C4orf50: variants seen among roughly 807,000 people sequenced by gnomAD.
C4orf50 encodes the protein uncharacterized protein C4orf50.
C4orf50 carries 80 observed loss-of-function variants against 77.2 expected under a neutral mutation model. The observed-to-expected ratio is 1.04, with a 90% confidence interval of 0.87 to 1.25. The LOEUF (loss-of-function observed/expected upper bound fraction) is 1.25. Among genes scored for constraint, C4orf50 ranks in the 50% most tolerant of loss-of-function variants. The pLI is 0.00. For synonymous variants in C4orf50, 532 were observed against 465.3 expected (o/e 1.14, Z -1.84); for missense variants, 1,257 against 1,152.9 (o/e 1.09, Z -1.31).
At chr4:5,963,806 G>A (rs895519454) in intron 33 of C4orf50, among the ~76,000 whole-genome samples, 1 of 152,168 alleles carries the variant, frequency 6.6e-6, no homozygotes, top group African/African-American at 2.4e-5. Context: ...GCAGGCAGCC[G>A]CATTTCACAG....
At chr4:5,972,155 C>T (rs1006669227) in intron 31 of C4orf50, among the ~76,000 whole-genome samples, 1 of 152,076 alleles carries the variant, frequency 6.6e-6, no homozygotes, top group African/African-American at 2.4e-5. Context: ...CAGACACATG[C>T]CACCACGCCT....
intron 29 of C4orf50, among the ~76,000 whole-genome samples, chr4:5,978,574 G>A (rs982723951): frequency 6.6e-6 from 1 of 152,194 alleles, no homozygotes; most frequent in Non-Finnish European, 1.5e-5. Flanking sequence ...TGACAGATAA[G>A]AGAAAAAAGC....
At chr4:5,899,704 A>T (rs1004004341) in intron 7 of C4orf50, 8 of 152,244 alleles carry the variant, frequency 5.3e-5, no homozygotes, top group African/African-American at 1.9e-4. Context: ...GTGGAAAGAG[A>T]CTATGTGACT....
intron 7 of C4orf50, among the ~76,000 whole-genome samples, chr4:5,934,096 C>T (rs1007835415): frequency 2.6e-5 from 4 of 152,080 alleles, no homozygotes; most frequent in Admixed American, 6.5e-5. Context: ...CACTCCAACA[C>T]AGCCCCTGGC....
chr4:5,897,635 T>G (rs910020157), exon 8 of C4orf50: 1 of 152,234 alleles, frequency 6.6e-6, no homozygotes, highest in Non-Finnish European at 1.5e-5. Context: ...TACATTTTAA[T>G]GTACAAAATT....
Position 5,919,375 on chromosome 4 carries a change from CTTCT to C in C4orf50, c.*2475-21191_*2475-21188del, listed in dbSNP as rs1717169653. 1.3e-5 allele frequency among the ~76,000 whole-genome samples: 2 copies of C among 150,488 alleles called. No individual in the cohort carries two copies. Among genetic ancestry groups the C allele is most frequent in the African/African-American group, 4.9e-5 (2 of 40,860 alleles). On this transcript the variant is annotated intron_variant, in intron 7 of 7. Coordinates refer to the C4orf50 transcript ENST00000324058. The surrounding 1 kb of genome is among the most constrained non-coding windows in gnomAD (Gnocchi z 6.5). ...TCACCTTCCAGGTGACACATTAGAT[CTTCT>C]TTCACTCACTCCCTGTAGGCAGTGG...
intron 7 of C4orf50, among the ~76,000 whole-genome samples, chr4:5,929,658 G>C (rs6839824): frequency 0.38 from 57,813 of 152,158 alleles, 11,918 homozygotes; most frequent in East Asian, 0.77. Flanking sequence ...CTGAATGAAG[G>C]ATGCCCTGAG....
At chr4:5,994,221 T>G in intron 26 of C4orf50, 126 bp downstream of exon 4, 1 of 396,012 alleles carries the variant, frequency 2.5e-6, no homozygotes, top group Non-Finnish European at 4.5e-6. Context: ...CCTCGATTCT[T>G]GTCTGTAGGG....
At chr4:5,930,088 C>T (rs1475696022) in intron 7 of C4orf50, among the ~76,000 whole-genome samples, 1 of 152,140 alleles carries the variant, frequency 6.6e-6, no homozygotes, top group African/African-American at 2.4e-5. Context: ...AAACATTGGG[C>T]TCATGAAAGA....
chr4:5,933,282 A>T (rs982574940), intron 7 of C4orf50, among the ~76,000 whole-genome samples: 3 of 152,226 alleles, frequency 2.0e-5, no homozygotes, highest in African/African-American at 7.2e-5. Context: ...ATGTTTGCTC[A>T]CTACCACCCC....
chr4:6,004,306 G>A (rs1391372047), intron 25 of C4orf50, among the ~76,000 whole-genome samples: 2 of 73,968 alleles, frequency 2.7e-5, no homozygotes, highest in African/African-American at 1.1e-4. Context: ...TGGTGATGGT[G>A]GTGATGATGT....
chr4:6,005,255 T>C (rs951223407), intron 25 of C4orf50, among the ~76,000 whole-genome samples: 1 of 152,206 alleles, frequency 6.6e-6, no homozygotes, highest in Non-Finnish European at 1.5e-5. Context: ...CAGAAGTGGC[T>C]GGGGACCACA....
intron 29 of C4orf50, among the ~76,000 whole-genome samples, chr4:5,976,277 C>A (rs1720276351): frequency 6.6e-6 from 1 of 150,496 alleles, no homozygotes; most frequent in Admixed American, 6.6e-5. Flanking sequence ...AACCCCATCT[C>A]TACTAAAAAA....
intron 31 of C4orf50, among the ~76,000 whole-genome samples, chr4:5,969,000 C>G (rs1719746091): frequency 6.6e-6 from 1 of 152,162 alleles, no homozygotes; most frequent in Admixed American, 6.5e-5. Context: ...GCCTCTGCCA[C>G]TCACTGATTC....
At chr4:5,927,655 C>A (rs1188422186) in intron 7 of C4orf50, among the ~76,000 whole-genome samples, 2 of 152,030 alleles carry the variant, frequency 1.3e-5, no homozygotes, top group East Asian at 3.9e-4. Context: ...CTCTCTTTCT[C>A]TCCTACAGCC....
chr4:5,989,101 A>G (rs1721090929), exon 28 of C4orf50: 1 of 1,535,844 alleles, frequency 6.5e-7, no homozygotes, highest in Admixed American at 2.0e-5. Context: ...GTCCCCTACC[A>G]GCCTGTGGTT....
At chr4:5,912,266 TGTG>T (rs1421988650) in intron 7 of C4orf50, among the ~76,000 whole-genome samples, 1 of 150,454 alleles carries the variant, frequency 6.6e-6, no homozygotes, top group Non-Finnish European at 1.5e-5. Flanking sequence ...CGTGTGTGTG[TGTG>T]TGTGTGTGTG....
At chr4:5,967,978 G>C (rs1021679183) in intron 31 of C4orf50, among the ~76,000 whole-genome samples, 1 of 152,218 alleles carries the variant, frequency 6.6e-6, no homozygotes, top group Non-Finnish European at 1.5e-5. Context: ...CCAAGTGGTT[G>C]AGCAAGAGCA....
chr4:5,970,195 G>A lies in C4orf50; in HGVS notation c.4105-2733C>T, dbSNP rs540692158. 5.3e-5 allele frequency among the ~76,000 whole-genome samples: 8 copies of A among 151,570 alleles called. No individual in the cohort carries two copies. The highest frequency in any genetic ancestry group is 1.2e-4 in the Non-Finnish European group (8 of 67,944). On this transcript the variant is annotated intron_variant, in intron 31 of 33. Coordinates refer to ENST00000531445, the Ensembl canonical transcript of C4orf50. This position sits in a 1 kb window ranked among gnomAD's most constrained non-coding sequence, Gnocchi z 4.3. Reference sequence around the variant, plus strand: ...GGGGCTAGGGGTCGGGGGGCATAGAGAGGAAGCAAAACAGGCCCAGGAAGG... The same window carrying A: ...GGGGCTAGGGGTCGGGGGGCATAGAAAGGAAGCAAAACAGGCCCAGGAAGG...
Sources: allele counts gnomAD v4.1 joint callset (sites outside exome capture counted in the v4.1 genomes callset), GRCh38; gene constraint gnomAD v4.1.1; non-coding constraint Gnocchi (gnomAD v3.1); transcripts MANE v1.5; gene names NCBI Gene and HGNC (gene_info 2026-07-23, HGNC 2026-07-21).